The following MAP2 variants were observed in gnomAD, a reference collection of about 807,000 sequenced individuals.
MAP2 encodes microtubule associated protein 2.
In MAP2, 14 loss-of-function variants were observed where a neutral mutation model predicts 137.6. The observed-to-expected ratio is 0.10, with a 90% CI of 0.07 to 0.16. The LOEUF (loss-of-function observed/expected upper bound fraction) is 0.16. Ranked by LOEUF, MAP2 falls within the 10% of genes least tolerant of loss-of-function variation. The pLI, the probability that MAP2 is intolerant of heterozygous loss-of-function variation, is 1.00. For synonymous variants in MAP2, 786 were observed against 782.3 expected, an observed-to-expected ratio of 1.00 and a Z score of -0.08; for missense variants, 2,088 against 2,191.5, an observed-to-expected ratio of 0.95 and a Z score of 0.94.
chr2:209,581,266 A>G (rs1349628066), intron 3 of MAP2, among the ~76,000 whole-genome samples: 1 of 152,138 alleles, frequency 6.6e-6, no homozygotes, highest in African/African-American at 2.4e-5. Context: ...TGAGAGAGAG[A>G]GGGAAGGGGT....
intron 2 of MAP2, among the ~76,000 whole-genome samples, chr2:209,535,811 A>G (rs955627775): frequency 6.6e-6 from 1 of 152,154 alleles, no homozygotes; most frequent in Non-Finnish European, 1.5e-5. Flanking sequence ...ACAAAAGCCA[A>G]TATAATATAA....
intron 5 of MAP2, among the ~76,000 whole-genome samples, chr2:209,669,137 T>G (rs146387809): frequency 1.2e-4 from 19 of 152,162 alleles, no homozygotes; most frequent in Middle Eastern, 3.4e-3. Flanking sequence ...ATTTACAACA[T>G]TAATAGTTAA....
chr2:209,524,759 A>G (rs1289344011), intron 2 of MAP2, among the ~76,000 whole-genome samples: 1 of 152,174 alleles, frequency 6.6e-6, no homozygotes, highest in Non-Finnish European at 1.5e-5. Flanking sequence ...TGTTGGTTCA[A>G]TTGAATCACA....
At chr2:209,605,073 G>A (rs187118959) in intron 3 of MAP2, among the ~76,000 whole-genome samples, 71 of 152,176 alleles carry the variant, frequency 4.7e-4, no homozygotes, top group Admixed American at 1.0e-3. Flanking sequence ...GTATGCAAAT[G>A]TGAATACATC....
At chr2:209,455,141 C>G (rs1265360388) in intron 1 of MAP2, among the ~76,000 whole-genome samples, 1 of 152,204 alleles carries the variant, frequency 6.6e-6, no homozygotes, top group African/African-American at 2.4e-5. Flanking sequence ...CAAATACCAT[C>G]ACATTGGAGG....
chr2:209,503,325 A>G (rs1026758791), intron 1 of MAP2, among the ~76,000 whole-genome samples: 1 of 151,964 alleles, frequency 6.6e-6, no homozygotes, highest in African/African-American at 2.4e-5. Context: ...TTAACCCCTT[A>G]TCAGATATAT....
At chr2:209,614,519 T>C (rs2088357259) in intron 3 of MAP2, among the ~76,000 whole-genome samples, 1 of 152,188 alleles carries the variant, frequency 6.6e-6, no homozygotes, top group Non-Finnish European at 1.5e-5. Flanking sequence ...CTCAGGAATA[T>C]GGTTATAGAA....
chr2:209,520,978 A>G (rs190558999), intron 2 of MAP2, among the ~76,000 whole-genome samples: 2 of 152,192 alleles, frequency 1.3e-5, no homozygotes, highest in African/African-American at 2.4e-5. Flanking sequence ...GTTAATGACA[A>G]TGACATTAAA....
chr2:209,678,769 C>T, intron 6 of MAP2, 84 bp downstream of exon 6: 1 of 699,926 alleles, frequency 1.4e-6, no homozygotes, highest in East Asian at 3.0e-5. Flanking sequence ...AAAGATAGGC[C>T]ATATCTTGTA....
chr2:209,693,381 T>C lies in MAP2; in HGVS notation c.1211T>C (p.Met404Thr). The C allele has an allele frequency of 6.2e-7, 1 of 1,611,850 alleles. No individual in the cohort carries two copies. Among genetic ancestry groups the C allele is most frequent in the Non-Finnish European group, 8.5e-7 (1 of 1,179,526 alleles). Residue 404 changes from methionine (M) to threonine (T), a missense_variant, in exon 8 of 16, where the codon ATG (methionine) becomes ACG (threonine). Met to Thr is a moderately conservative substitution (Grantham distance 81). This residue lies in a region of MAP2 where 859 missense variants were observed against 794.5 expected (regional missense o/e 1.08). Coordinates refer to ENST00000682079, the MANE Select transcript of MAP2 (RefSeq NM_001375505.1). ...ATTCCAGTTGTAGAAGAACATGTTATGGGGAAAGTTTTAGAGGAAGAAAAG... is the reference window on the plus strand; with the variant it reads ...ATTCCAGTTGTAGAAGAACATGTTACGGGGAAAGTTTTAGAGGAAGAAAAG... ...AHIPVVEEHV[M>T]GKVLEEEKEA... is the part of the protein sequence containing the mutation.
chr2:209,694,874 G>A lies in MAP2; in HGVS notation c.2704G>A (p.Asp902Asn), dbSNP rs1228272450. 1.9e-6 allele frequency: 3 copies of A among 1,614,070 alleles called. No individual in the cohort carries two copies. The highest frequency in any genetic ancestry group is 2.7e-5 in the African/African-American group (2 of 74,930). The change falls in exon 8 of 16, where the codon GAT becomes AAT. Residue 902 changes from aspartate (D) to asparagine (N), a missense_variant. Transcript: ENST00000682079. ...ESGTFYEGTD[D>N]KVRRDLATDL... Reference sequence around the variant, plus strand: ...TGGTACCTTTTACGAAGGCACTGATGATAAAGTTCGAAGAGATTTGGCCAC... The same window carrying A: ...TGGTACCTTTTACGAAGGCACTGATAATAAAGTTCGAAGAGATTTGGCCAC...
intron 12 of MAP2, among the ~76,000 whole-genome samples, chr2:209,707,255 T>C (rs1389213903): frequency 6.6e-6 from 1 of 152,216 alleles, no homozygotes; most frequent in Non-Finnish European, 1.5e-5. Context: ...TCAGCACCAA[T>C]TCTATTTTGA....
Position 209,730,214 on chromosome 2 carries a change from T to A in MAP2, c.5301T>A (p.His1767Gln). 6.2e-7 allele frequency: 1 copy of A among 1,614,030 alleles called. No individual in the cohort carries two copies. Residue 1767 changes from histidine (H) to glutamine (Q), a missense_variant, in exon 16 of 16, where the codon CAT becomes CAA. Transcript: ENST00000682079. ...IDSQKLNFRE[H>Q]AKARVDHGAE... ...GCCAAAAGTTGAACTTCAGAGAGCA[T>A]GCTAAAGCCCGTGTGGACCATGGGG...
chr2:209,604,951 G>A (rs894987513), intron 3 of MAP2, among the ~76,000 whole-genome samples: 3 of 152,074 alleles, frequency 2.0e-5, no homozygotes, highest in Non-Finnish European at 4.4e-5. Flanking sequence ...AAGCCTGATG[G>A]TTATGGTATA....
rs568136310 is a variant in MAP2 at position 209,521,268 on chromosome 2, A to AC, written c.-172+13628dup. 4.0e-3 allele frequency among the ~76,000 whole-genome samples: 616 copies of AC among 152,214 alleles called. 2 individuals are homozygous for AC. The highest frequency in any genetic ancestry group is 0.014 in the Middle Eastern group (4 of 294). ...AGCAGCCTTCTACGTACATACATGT[A>AC]CTTTACAACACACTAATATGATGCA... On this transcript the variant is annotated intron_variant, in intron 2 of 15. Transcript: ENST00000682079.
At chr2:209,439,099 A>G (rs1457712803) in intron 1 of MAP2, among the ~76,000 whole-genome samples, 1 of 151,476 alleles carries the variant, frequency 6.6e-6, no homozygotes, top group Non-Finnish European at 1.5e-5. Flanking sequence ...CATTGATGGT[A>G]TATAAATAAA....
At chr2:209,724,491 T>C (rs1357600219) in intron 13 of MAP2, among the ~76,000 whole-genome samples, 4 of 152,130 alleles carry the variant, frequency 2.6e-5, no homozygotes, top group Non-Finnish European at 4.4e-5. Flanking sequence ...ATGACTCAAG[T>C]AATTTACAGG....
chr2:209,498,991 G>A (rs1490553897), intron 1 of MAP2, among the ~76,000 whole-genome samples: 1 of 152,140 alleles, frequency 6.6e-6, no homozygotes, highest in African/African-American at 2.4e-5. Flanking sequence ...TCCACAGCCT[G>A]CTTGAATTCC....
chr2:209,432,217 TAAG>T (rs1300666459), intron 1 of MAP2, among the ~76,000 whole-genome samples: 5 of 152,202 alleles, frequency 3.3e-5, no homozygotes, highest in African/African-American at 7.2e-5. Flanking sequence ...CATTTTTAGC[TAAG>T]AAGAAGTAAG....
Sources: gnomAD v4.1 joint callset for allele counts (sites outside exome capture counted in the v4.1 genomes callset) on GRCh38, gnomAD v4.1.1 for gene constraint, gnomAD v4.1.1 regional missense constraint, MANE v1.5 for transcripts, NCBI Gene and HGNC (gene_info 2026-07-23, HGNC 2026-07-21) for gene names.